The following TTLL5 variants were observed in gnomAD, a reference collection of about 807,000 sequenced individuals.
TTLL5 encodes tubulin polyglutamylase TTLL5.
TTLL5 carries 132 observed loss-of-function variants against 168.4 expected under a neutral mutation model. That is an observed-to-expected ratio of 0.78 (90% confidence interval 0.68 to 0.91). The LOEUF is 0.91. TTLL5 is among the 40% of genes least tolerant of loss of function. The probability of loss-of-function intolerance (pLI) is 0.00; values close to 1 mark genes in which losing one functional copy is unlikely to be tolerated. For missense variants in TTLL5, 1,545 were observed against 1,581.5 expected (o/e 0.98, Z 0.39); for synonymous variants, 546 against 558.6 (o/e 0.98, Z 0.32).
At chr14:75,757,116 T>TA (rs1890316926) in intron 18 of TTLL5, among the ~76,000 whole-genome samples, 1 of 152,028 alleles carries the variant, frequency 6.6e-6, no homozygotes, top group South Asian at 2.1e-4. Context: ...TAGCTGGGAT[T>TA]ACAGGTGCAC....
At chr14:75,726,057 T>C (rs1389547613) in intron 12 of TTLL5, among the ~76,000 whole-genome samples, 1 of 152,234 alleles carries the variant, frequency 6.6e-6, no homozygotes, top group Non-Finnish European at 1.5e-5. Flanking sequence ...GTCAGCACTT[T>C]CCATTGCCTC....
chr14:75,718,108 G>A (rs1251631309), intron 10 of TTLL5, 146 bp downstream of exon 10: 10 of 688,796 alleles, frequency 1.5e-5, no homozygotes, highest in African/African-American at 1.8e-5. Flanking sequence ...TCATATAACA[G>A]TGTTGAGGCA....
chr14:75,662,036 T>C (rs1890766396), intron 1 of TTLL5, among the ~76,000 whole-genome samples: 1 of 152,210 alleles, frequency 6.6e-6, no homozygotes, highest in South Asian at 2.1e-4. Context: ...ACAACGAACA[T>C]GTACTTTTTT....
intron 3 of TTLL5, among the ~76,000 whole-genome samples, chr14:75,678,602 T>A (rs1404724718): frequency 6.6e-6 from 1 of 152,220 alleles, no homozygotes; most frequent in Non-Finnish European, 1.5e-5. Context: ...ACATTGACAT[T>A]TTTAAATATT....
At chr14:75,870,120 A>G (rs2030901326) in intron 29 of TTLL5, among the ~76,000 whole-genome samples, 1 of 151,640 alleles carries the variant, frequency 6.6e-6, no homozygotes, top group African/African-American at 2.4e-5. Context: ...TACCCAGCCA[A>G]CAAGTACTTA....
chr14:75,732,260 G>A (rs755058923), intron 12 of TTLL5, 78 bp from the exon 13 acceptor site: 46 of 1,282,394 alleles, frequency 3.6e-5, no homozygotes, highest in Non-Finnish European at 5.0e-5. Context: ...GGGAGTTAAT[G>A]AGATTGAGTC....
chr14:75,914,883 A>AAATCCC (rs1198190010), intron 31 of TTLL5, among the ~76,000 whole-genome samples: 1 of 152,154 alleles, frequency 6.6e-6, no homozygotes, highest in African/African-American at 2.4e-5. Context: ...TTGGCCTCCC[A>AAATCCC]AAGTGCTGGG....
At chr14:75,829,559 CTT>C (rs202156409) in intron 28 of TTLL5, among the ~76,000 whole-genome samples, 32 of 138,896 alleles carry the variant, frequency 2.3e-4, no homozygotes, top group Non-Finnish European at 2.8e-4. Flanking sequence ...TATACATTTA[CTT>C]TTTTTTTTTT....
chr14:75,898,088 C>G (rs984605896), intron 30 of TTLL5, among the ~76,000 whole-genome samples: 5 of 152,316 alleles, frequency 3.3e-5, no homozygotes, highest in Admixed American at 6.5e-5. Context: ...CTAACTTCAT[C>G]TTTAGCCACT....
At chr14:75,690,113 G>C (rs1885343404) in intron 5 of TTLL5, 79 bp from the exon 6 acceptor site, 1 of 1,529,144 alleles carries the variant, frequency 6.5e-7, no homozygotes, top group Non-Finnish European at 9.0e-7. Context: ...ACTGTGAACT[G>C]TAACTCTTTA....
chr14:75,846,845 T>G (rs1465266388), intron 28 of TTLL5, among the ~76,000 whole-genome samples: 1 of 151,636 alleles, frequency 6.6e-6, no homozygotes, highest in Non-Finnish European at 1.5e-5. Flanking sequence ...AGTTCCCTGT[T>G]GGCCTCCAGG....
chr14:75,771,122 T>C (rs925355630), intron 20 of TTLL5, among the ~76,000 whole-genome samples: 29 of 152,228 alleles, frequency 1.9e-4, no homozygotes, highest in African/African-American at 6.7e-4. Context: ...CCAAGAAAGT[T>C]GTTAAAAAGT....
At position 75,874,931 on chromosome 14, in the gene TTLL5, G is replaced by GC. The variant is rs561069889; in HGVS notation, c.3523-7752dup. On this transcript the variant is annotated intron_variant, in intron 29 of 31. Coordinates refer to ENST00000298832, the MANE Select transcript of TTLL5 (RefSeq NM_015072.5). ...ACAGAGAAAAAAAAAGACACTGGGG[G>GC]CCTTTTTTTTTTTTTTTTTTGAGAC... 6.8e-4 allele frequency among the ~76,000 whole-genome samples: 15 copies of GC among 21,922 alleles called. 3 individuals carry two copies. The highest frequency in any genetic ancestry group is 4.9e-3 in the South Asian group (2 of 408). 14.4% of individuals were successfully genotyped at this position (21,922 alleles called of 152,430 possible). A position where few individuals can be genotyped will look rare whatever the true frequency, so the allele number is the denominator to read the frequency against.
At chr14:75,717,151 G>A (rs1485542082) in intron 9 of TTLL5, among the ~76,000 whole-genome samples, 3 of 151,832 alleles carry the variant, frequency 2.0e-5, no homozygotes, top group African/African-American at 7.3e-5. Flanking sequence ...CGGTGTTTCT[G>A]TTGCCTAGGC....
chr14:75,670,188 T>G (rs973245757), intron 3 of TTLL5, among the ~76,000 whole-genome samples: 1 of 152,084 alleles, frequency 6.6e-6, no homozygotes, highest in Admixed American at 6.6e-5. Flanking sequence ...TCAGTTGATG[T>G]ACATTTTTTT....
At chr14:75,695,351 G>T (rs1458536815) in intron 6 of TTLL5, among the ~76,000 whole-genome samples, 10 of 152,318 alleles carry the variant, frequency 6.6e-5, no homozygotes, top group African/African-American at 2.4e-4. Context: ...CTGATAAGAT[G>T]TTATCAATGA....
chr14:75,783,925 C>T (rs984823875), intron 26 of TTLL5, among the ~76,000 whole-genome samples: 4 of 152,194 alleles, frequency 2.6e-5, no homozygotes, highest in African/African-American at 9.6e-5. Context: ...AATAAATAAC[C>T]AAAGAATTCT....
At chr14:75,771,897 T>C in intron 21 of TTLL5, 43 bp downstream of exon 21, 1 of 1,555,110 alleles carries the variant, frequency 6.4e-7, no homozygotes, top group Non-Finnish European at 8.6e-7. Flanking sequence ...TCCCTTTTTC[T>C]TTCTTCTTTC....
intron 31 of TTLL5, among the ~76,000 whole-genome samples, chr14:75,942,420 C>T (rs1299658987): frequency 6.6e-6 from 1 of 152,174 alleles, no homozygotes; most frequent in Non-Finnish European, 1.5e-5. Context: ...AGGCAAAATG[C>T]TGGGTGCCCT....
Sources: allele counts gnomAD v4.1 joint callset (sites outside exome capture counted in the v4.1 genomes callset), GRCh38; gene constraint gnomAD v4.1.1; transcripts MANE v1.5; gene names NCBI Gene and HGNC (gene_info 2026-07-23, HGNC 2026-07-21).